ZBTB16: variants seen among roughly 807,000 people sequenced by gnomAD.
The protein encoded by ZBTB16 is zinc finger and BTB domain containing 16, also known as zinc finger and BTB domain-containing protein 16.
ZBTB16 carries 8 observed loss-of-function variants against 56.8 expected under a neutral mutation model. That is an observed-to-expected ratio of 0.14 (90% CI 0.08 to 0.25). ZBTB16 has a LOEUF of 0.25. Ranked by LOEUF, ZBTB16 falls within the 10% of genes least tolerant of loss-of-function variation. The pLI is 1.00. For synonymous variants in ZBTB16, 363 were observed against 368.5 expected (o/e 0.98, Z 0.17); for missense variants, 625 against 903.0 (o/e 0.69, Z 3.95).
chr11:114,095,482 A>G (rs1940364338), intron 2 of ZBTB16, among the ~76,000 whole-genome samples: 1 of 151,960 alleles, frequency 6.6e-6, no homozygotes, highest in South Asian at 2.1e-4. Context: ...GGATGGTCAC[A>G]ATCTCCTGAC....
chr11:114,167,652 C>T (rs1235697013), intron 3 of ZBTB16, among the ~76,000 whole-genome samples: 1 of 152,082 alleles, frequency 6.6e-6, no homozygotes, highest in South Asian at 2.1e-4. Context: ...TCTCCCCAGC[C>T]CCCTCCTGCT....
chr11:114,147,413 C>T (rs1006992208), intron 2 of ZBTB16, among the ~76,000 whole-genome samples: 6 of 152,140 alleles, frequency 3.9e-5, no homozygotes, highest in Non-Finnish European at 5.9e-5. Flanking sequence ...TCCCAGAAAT[C>T]GGTTATTTGT....
At chr11:114,240,460 C>A (rs557702374) in intron 4 of ZBTB16, among the ~76,000 whole-genome samples, 3 of 139,710 alleles carry the variant, frequency 2.1e-5, no homozygotes, top group African/African-American at 7.8e-5. Flanking sequence ...CCCCTCCCCC[C>A]ACCCACTCTG....
At chr11:114,150,057 T>C (rs531804507) in intron 2 of ZBTB16, among the ~76,000 whole-genome samples, 1 of 152,226 alleles carries the variant, frequency 6.6e-6, no homozygotes, top group African/African-American at 2.4e-5. Context: ...AAGGAACTTA[T>C]AAATGGCTTA....
At chr11:114,229,898 G>A (rs1391455034) in intron 4 of ZBTB16, among the ~76,000 whole-genome samples, 1 of 152,202 alleles carries the variant, frequency 6.6e-6, no homozygotes, top group Non-Finnish European at 1.5e-5. Flanking sequence ...TGTGAAAAAA[G>A]AGTCAATTTC....
intron 2 of ZBTB16, among the ~76,000 whole-genome samples, chr11:114,156,121 A>G (rs1161274697): frequency 1.3e-5 from 2 of 152,204 alleles, no homozygotes; most frequent in Non-Finnish European, 2.9e-5. Flanking sequence ...GCCCGTGGAC[A>G]AGACCAGGAA....
At chr11:114,088,860 G>A (rs1940066729) in intron 2 of ZBTB16, among the ~76,000 whole-genome samples, 1 of 152,228 alleles carries the variant, frequency 6.6e-6, no homozygotes, top group South Asian at 2.1e-4. Flanking sequence ...ATTGTGGCAG[G>A]AATAGGCCAG....
chr11:114,162,252 T>C (rs1193731759), intron 3 of ZBTB16, among the ~76,000 whole-genome samples: 1 of 152,230 alleles, frequency 6.6e-6, no homozygotes, highest in Non-Finnish European at 1.5e-5. Context: ...AGAAAAGCAT[T>C]ACAAGATGGC....
chr11:114,148,465 C>CTTTCTTTCTTTT (rs1187503856), intron 2 of ZBTB16, among the ~76,000 whole-genome samples: 1 of 53,492 alleles, frequency 1.9e-5, no homozygotes, highest in Non-Finnish European at 4.0e-5. Context: ...CTGTCTCTCT[C>CTTTCTTTCTTTT]TCTCTCTTTC....
chr11:114,174,734 A>G (rs945092005), intron 3 of ZBTB16, among the ~76,000 whole-genome samples: 7 of 152,254 alleles, frequency 4.6e-5, no homozygotes, highest in South Asian at 2.1e-4. Flanking sequence ...CAAGAAACCA[A>G]TTGGCAGAGC....
intron 2 of ZBTB16, among the ~76,000 whole-genome samples, chr11:114,146,002 G>A (rs1215540130): frequency 6.6e-6 from 1 of 152,182 alleles, no homozygotes; most frequent in Non-Finnish European, 1.5e-5. Context: ...AAAATGCAAT[G>A]ATGGAAAATT....
rs1035391340 is a variant in ZBTB16 at position 114,198,702 on chromosome 11, G to A, written c.1453+11664G>A. Among the ~76,000 whole-genome samples, 8 of 152,204 alleles carry A rather than the reference G, an allele frequency of 5.3e-5. No individual in the cohort carries two copies. In the East Asian group the frequency reaches 1.2e-3, roughly 22 times the overall value. ...GCCTCCCCCACCATCAACATCCCAC[G>A]CCACATGGGTGGTACATTTGTTACA... On this transcript the variant is annotated intron_variant, in intron 4 of 6. Coordinates refer to ENST00000335953, the MANE Select transcript of ZBTB16 (RefSeq NM_006006.6).
At chr11:114,145,173 A>G (rs1942067180) in intron 2 of ZBTB16, among the ~76,000 whole-genome samples, 1 of 152,238 alleles carries the variant, frequency 6.6e-6, no homozygotes, top group African/African-American at 2.4e-5. Flanking sequence ...ACTTAGTCCA[A>G]AAATGTATTG....
At chr11:114,234,460 G>A (rs189187390) in intron 4 of ZBTB16, among the ~76,000 whole-genome samples, 13 of 152,332 alleles carry the variant, frequency 8.5e-5, no homozygotes, top group East Asian at 3.9e-4. Flanking sequence ...GCAGCTGATT[G>A]GAGTTTCCAG....
intron 6 of ZBTB16, among the ~76,000 whole-genome samples, chr11:114,248,851 C>T (rs1944863270): frequency 6.6e-6 from 1 of 152,182 alleles, no homozygotes; most frequent in Admixed American, 6.5e-5. Flanking sequence ...GGATCATTAA[C>T]TGTATTGGCA....
In ZBTB16 at chr11:114,062,541, T is replaced by G. The variant is rs190970512; in HGVS notation, c.-90-670T>G. On this transcript the variant is annotated intron_variant, in intron 1 of 6. Transcript: ENST00000335953. ...TGTGGGTTGTGTGTGTTCCTGTTAGTACCTAGGGATGGGGACAGGCCTTGG... is the reference window on the plus strand; with the variant it reads ...TGTGGGTTGTGTGTGTTCCTGTTAGGACCTAGGGATGGGGACAGGCCTTGG... Among the ~76,000 whole-genome samples, 72 of 152,310 alleles carry G rather than the reference T, an allele frequency of 4.7e-4. 1 individual carries two copies. The South Asian group carries it at 0.011, about 23-fold the overall frequency.
chr11:114,193,795 C>A (rs1051484622), intron 4 of ZBTB16, among the ~76,000 whole-genome samples: 1 of 152,104 alleles, frequency 6.6e-6, no homozygotes, highest in Non-Finnish European at 1.5e-5. Flanking sequence ...GGAATGGAGA[C>A]CCTGGGACAG....
chr11:114,114,984 A>T (rs1335079294), intron 2 of ZBTB16, among the ~76,000 whole-genome samples: 1 of 152,136 alleles, frequency 6.6e-6, no homozygotes, highest in African/African-American at 2.4e-5. Context: ...TGCCTGGCCC[A>T]GGTCGTTCCA....
intron 2 of ZBTB16, among the ~76,000 whole-genome samples, chr11:114,093,340 A>AG (rs371040132): frequency 1.3e-5 from 2 of 151,070 alleles, no homozygotes; most frequent in Non-Finnish European, 1.5e-5. Flanking sequence ...GGGGGTGTGG[A>AG]GGGGGGATGT....
Sources: gnomAD v4.1 joint callset for allele counts (sites outside exome capture counted in the v4.1 genomes callset) on GRCh38, gnomAD v4.1.1 for gene constraint, MANE v1.5 for transcripts, NCBI Gene and HGNC (gene_info 2026-07-23, HGNC 2026-07-21) for gene names.